Variants in ARHGAP6 observed in about 807,000 individuals in gnomAD.
ARHGAP6 encodes Rho GTPase activating protein 6.
A neutral mutation model predicts 55.7 loss-of-function variants in ARHGAP6; 16 were observed. The ratio of observed to expected loss-of-function variants is 0.29; its 90% CI spans 0.19 to 0.44. The LOEUF is 0.44. ARHGAP6 is among the 20% of genes least tolerant of loss of function. The pLI is 1.00. For missense variants in ARHGAP6, 698 were observed against 808.9 expected (o/e 0.86, Z 1.66); for synonymous variants, 382 against 360.9 (o/e 1.06, Z -0.66).
At chrX:11,300,084 T>C (rs1461765166) in intron 1 of ARHGAP6, among the ~76,000 whole-genome samples, 1 of 112,064 alleles carries the variant, frequency 8.9e-6, no homozygotes, top group Non-Finnish European at 1.9e-5. Context: ...GTGCCTATCA[T>C]TGGCTATTCT....
chrX:11,506,745 G>T (rs1201608255), intron 1 of ARHGAP6, among the ~76,000 whole-genome samples: 1 of 111,342 alleles, frequency 9.0e-6, no homozygotes, highest in Non-Finnish European at 1.9e-5. Context: ...AATCCTTTGG[G>T]TATATACCCA....
At chrX:11,524,978 T>A (rs1348206443) in intron 1 of ARHGAP6, among the ~76,000 whole-genome samples, 1 of 110,846 alleles carries the variant, frequency 9.0e-6, no homozygotes, top group Non-Finnish European at 1.9e-5. Flanking sequence ...TAAGAGAATC[T>A]AATGCCGCTG....
At chrX:11,591,613 A>G (rs1364926854) in intron 1 of ARHGAP6, among the ~76,000 whole-genome samples, 4 of 111,617 alleles carry the variant, frequency 3.6e-5, no homozygotes, top group African/African-American at 9.7e-5. Context: ...CACATATTTT[A>G]TGATACCATT....
At chrX:11,403,846 TAACTA>T (rs2049579361) in intron 1 of ARHGAP6, among the ~76,000 whole-genome samples, 1 of 112,585 alleles carries the variant, frequency 8.9e-6, no homozygotes, top group African/African-American at 3.2e-5. Flanking sequence ...GTTAACAATG[TAACTA>T]AACTTTCTTC....
chrX:11,527,215 A>C (rs975195381), intron 1 of ARHGAP6, among the ~76,000 whole-genome samples: 1 of 111,681 alleles, frequency 9.0e-6, no homozygotes, highest in African/African-American at 3.3e-5. Context: ...TAACTTCTTC[A>C]AGCCTGAGTT....
At chrX:11,478,545 G>A (rs1415419912) in intron 1 of ARHGAP6, among the ~76,000 whole-genome samples, 1 of 111,875 alleles carries the variant, frequency 8.9e-6, no homozygotes, top group Non-Finnish European at 1.9e-5. Context: ...ACTGGAAGAG[G>A]CATAAGGAAA....
chrX:11,410,392 T>G (rs1480622559), intron 1 of ARHGAP6, among the ~76,000 whole-genome samples: 2 of 112,639 alleles, frequency 1.8e-5, no homozygotes, highest in African/African-American at 3.2e-5. Flanking sequence ...TATTGTATGA[T>G]TCCATTTATG....
intron 1 of ARHGAP6, among the ~76,000 whole-genome samples, chrX:11,662,407 A>C (rs1569076917): frequency 4.5e-5 from 5 of 109,910 alleles, no homozygotes; most frequent in African/African-American, 1.6e-4. Flanking sequence ...AGGAATTTCC[A>C]ACACACACAC....
intron 1 of ARHGAP6, among the ~76,000 whole-genome samples, chrX:11,449,106 C>T (rs1324665310): frequency 9.0e-6 from 1 of 111,529 alleles, no homozygotes; most frequent in Non-Finnish European, 1.9e-5. Context: ...TTTGTCACTG[C>T]CAGCTGAGAC....
intron 10 of ARHGAP6, among the ~76,000 whole-genome samples, chrX:11,144,461 A>C (rs1010517670): frequency 3.6e-5 from 4 of 112,318 alleles, no homozygotes; most frequent in Non-Finnish European, 7.5e-5. Context: ...AACCCAACAG[A>C]TATAACAGGA....
intron 2 of ARHGAP6, among the ~76,000 whole-genome samples, chrX:11,248,502 C>G (rs1437866878): frequency 8.9e-6 from 1 of 112,028 alleles, no homozygotes; most frequent in Non-Finnish European, 1.9e-5. Flanking sequence ...GGGACAAAAT[C>G]TTCACAATCT....
intron 1 of ARHGAP6, among the ~76,000 whole-genome samples, chrX:11,392,062 T>C (rs1207919221): frequency 8.9e-6 from 1 of 112,215 alleles, no homozygotes; most frequent in Admixed American, 9.5e-5. Flanking sequence ...AATTGTTCCA[T>C]CCTAAATCAC....
intron 2 of ARHGAP6, among the ~76,000 whole-genome samples, chrX:11,225,007 T>G (rs2047026865): frequency 9.0e-6 from 1 of 111,596 alleles, no homozygotes; most frequent in African/African-American, 3.3e-5. Flanking sequence ...GGAGACATGG[T>G]AAGAGTACCT....
chrX:11,578,026 A>G (rs1179215519), intron 1 of ARHGAP6, among the ~76,000 whole-genome samples: 1 of 111,573 alleles, frequency 9.0e-6, no homozygotes, highest in African/African-American at 3.3e-5. Flanking sequence ...ATTTTGAAGG[A>G]AAAAAAAGAA....
chrX:11,396,628 C>G (rs1210710616), intron 1 of ARHGAP6, among the ~76,000 whole-genome samples: 1 of 111,486 alleles, frequency 9.0e-6, no homozygotes, highest in Admixed American at 9.5e-5. Flanking sequence ...ACTTAGAAGG[C>G]AAGGTAACAT....
rs191717365 is a variant in ARHGAP6, at chrX:11,324,899, C to T, written c.589-70192G>A. Among the ~76,000 whole-genome samples, 871 of 112,376 alleles carry T rather than the reference C, an allele frequency of 7.8e-3. 8 individuals carry two copies. The highest frequency in any genetic ancestry group is 0.027 in the African/African-American group (822 of 30,989). On this transcript the variant is annotated intron_variant, in intron 1 of 12. Coordinates refer to ENST00000337414, the MANE Select transcript of ARHGAP6 (RefSeq NM_013427.3). ...CGGAGTCTTGCTCTGTCGCCCAGGC[C>T]GGACTGCGGACTGCAGTGGCGCAAT...
At chrX:11,521,509 T>C (rs943668453) in intron 1 of ARHGAP6, among the ~76,000 whole-genome samples, 1 of 111,886 alleles carries the variant, frequency 8.9e-6, no homozygotes, top group African/African-American at 3.3e-5. Context: ...TCTGTTCCAT[T>C]GGTCTGTATC....
chrX:11,175,700 G>C (rs1000332956), intron 8 of ARHGAP6, among the ~76,000 whole-genome samples: 1 of 111,322 alleles, frequency 9.0e-6, no homozygotes, highest in Non-Finnish European at 1.9e-5. Context: ...GTCACAACTT[G>C]GTGGGAGAGG....
intron 1 of ARHGAP6, among the ~76,000 whole-genome samples, chrX:11,462,344 C>A (rs777502052): frequency 8.9e-6 from 1 of 112,103 alleles, no homozygotes; most frequent in East Asian, 2.8e-4. Flanking sequence ...ATGCCCTCTC[C>A]ATCAAAAAAT....
Sources: gnomAD v4.1 joint callset for allele counts (sites outside exome capture counted in the v4.1 genomes callset) on GRCh38, gnomAD v4.1.1 for gene constraint, MANE v1.5 for transcripts, NCBI Gene and HGNC (gene_info 2026-07-23, HGNC 2026-07-21) for gene names.